The following AFG1L variants were observed in gnomAD, a reference collection of about 807,000 sequenced individuals.
The protein encoded by AFG1L is AFG1-like ATPase.
Under a neutral mutation model 62.2 loss-of-function variants are expected in AFG1L, and 53 were observed. That is an observed-to-expected ratio of 0.85 (90% CI 0.68 to 1.07). The LOEUF is 1.07. AFG1L is among the 50% of genes least tolerant of loss of function. The pLI is 0.00. For synonymous variants in AFG1L, 228 were observed against 210.3 expected (o/e 1.08, Z -0.73); for missense variants, 555 against 590.5 (o/e 0.94, Z 0.62).
chr6:108,444,057 CATCTATCTATCTATCT>C (rs60098143), intron 7 of AFG1L, among the ~76,000 whole-genome samples: 79 of 145,242 alleles, frequency 5.4e-4, no homozygotes, highest in African/African-American at 1.3e-3. Context: ...GAATATCTCC[CATCTATCTATCTATCT>C]ATCTATCTAT....
At chr6:108,477,344 C>A in intron 10 of AFG1L, 52 bp downstream of exon 10, 1 of 1,078,576 alleles carries the variant, frequency 9.3e-7, no homozygotes, top group Non-Finnish European at 1.3e-6. Flanking sequence ...TGTTAAAATA[C>A]TTCGTGTTTT....
intron 8 of AFG1L, among the ~76,000 whole-genome samples, chr6:108,465,860 T>A (rs540329091): frequency 4.2e-4 from 64 of 152,268 alleles, no homozygotes; most frequent in Admixed American, 1.2e-3. Flanking sequence ...TTAACTTTTT[T>A]AAAGAGTTAT....
chr6:108,399,283 G>A (rs1343138489), intron 6 of AFG1L, among the ~76,000 whole-genome samples: 1 of 138,546 alleles, frequency 7.2e-6, no homozygotes, highest in Admixed American at 8.4e-5. Flanking sequence ...CGCCTCCTGG[G>A]TTCAAGCGAT....
At chr6:108,375,711 T>C (rs768709338) in intron 6 of AFG1L, among the ~76,000 whole-genome samples, 9 of 152,082 alleles carry the variant, frequency 5.9e-5, no homozygotes, top group African/African-American at 9.7e-5. Flanking sequence ...TTTTGGTGTG[T>C]TGTTGAATTC....
intron 2 of AFG1L, among the ~76,000 whole-genome samples, chr6:108,325,164 T>C (rs1273869962): frequency 6.6e-6 from 1 of 152,200 alleles, no homozygotes; most frequent in African/African-American, 2.4e-5. Flanking sequence ...GCATACCCCT[T>C]TCTCCTGGGG....
At chr6:108,384,213 A>G (rs1490500534) in intron 6 of AFG1L, among the ~76,000 whole-genome samples, 2 of 152,166 alleles carry the variant, frequency 1.3e-5, no homozygotes, top group Admixed American at 1.3e-4. Flanking sequence ...CTCATAGAAA[A>G]TCCAGTCTTT....
intron 7 of AFG1L, among the ~76,000 whole-genome samples, chr6:108,435,733 C>G (rs1034148580): frequency 3.3e-5 from 5 of 152,132 alleles, no homozygotes; most frequent in Non-Finnish European, 7.4e-5. Flanking sequence ...TTTCAAAATC[C>G]TGCCGTTTTC....
chr6:108,410,321 C>T (rs981836987), intron 7 of AFG1L, among the ~76,000 whole-genome samples: 1 of 151,620 alleles, frequency 6.6e-6, no homozygotes, highest in African/African-American at 2.4e-5. Context: ...AAAAAAAGAT[C>T]ATAAATTTTT....
intron 8 of AFG1L, among the ~76,000 whole-genome samples, chr6:108,448,635 A>C (rs1413272575): frequency 6.6e-6 from 1 of 152,094 alleles, no homozygotes; most frequent in Admixed American, 6.6e-5. Flanking sequence ...GGAGGTGAAA[A>C]GGCTACTTTT....
At chr6:108,296,536 G>A (rs1399907110) in intron 1 of AFG1L, among the ~76,000 whole-genome samples, 2 of 151,948 alleles carry the variant, frequency 1.3e-5, no homozygotes, top group Admixed American at 6.6e-5. Context: ...GTATGTATAA[G>A]CATATACATA....
chr6:108,428,754 G>C (rs1018945912), intron 7 of AFG1L, among the ~76,000 whole-genome samples: 1 of 152,036 alleles, frequency 6.6e-6, no homozygotes, highest in African/African-American at 2.4e-5. Flanking sequence ...ATCTTCTTTT[G>C]AGAAGTGTCT....
chr6:108,311,019 T>C (rs916853128), intron 1 of AFG1L, among the ~76,000 whole-genome samples: 2 of 152,144 alleles, frequency 1.3e-5, no homozygotes, highest in Non-Finnish European at 2.9e-5. Context: ...CCAGTATCCT[T>C]CTTTTTGGCT....
chr6:108,297,197 C>T lies in AFG1L; in HGVS notation c.139+1979C>T, dbSNP rs1776795960. On this transcript the variant is annotated intron_variant, in intron 1 of 12. Coordinates refer to ENST00000368977, the MANE Select transcript of AFG1L (RefSeq NM_145315.5). ...TCTCGGCTCACTGCAACCTCCACCT[C>T]CTGGATTCAAGCAATTCTCCCTGCC... is the stretch of plus-strand genomic sequence containing the variant. 2.0e-5 allele frequency among the ~76,000 whole-genome samples: 3 copies of T among 152,118 alleles called. No individual in the cohort carries two copies. In the South Asian group the frequency reaches 6.2e-4, roughly 32 times the overall value.
chr6:108,522,225 T>A, intron 12 of AFG1L, 72 bp from the exon 13 acceptor site: 2 of 1,485,776 alleles, frequency 1.3e-6, no homozygotes, highest in South Asian at 2.4e-5. Flanking sequence ...AAAGTTTTTT[T>A]AAACCTATAC....
intron 6 of AFG1L, among the ~76,000 whole-genome samples, chr6:108,396,248 AT>A (rs1462477545): frequency 6.6e-6 from 1 of 152,098 alleles, no homozygotes; most frequent in African/African-American, 2.4e-5. Flanking sequence ...TAAGAAAAAT[AT>A]GAAGAGCTTA....
At chr6:108,399,178 GTTTTTTTTTT>G (rs57304886) in intron 6 of AFG1L, among the ~76,000 whole-genome samples, 21 of 62,230 alleles carry the variant, frequency 3.4e-4, no homozygotes, top group Non-Finnish European at 4.4e-4. Context: ...TCTTTTGTTT[GTTTTTTTTTT>G]TTTTTTTTTT....
At chr6:108,403,046 A>C (rs933327405) in intron 7 of AFG1L, among the ~76,000 whole-genome samples, 1 of 152,200 alleles carries the variant, frequency 6.6e-6, no homozygotes, top group African/African-American at 2.4e-5. Context: ...ACATTCTGCC[A>C]ATATTTATTA....
intron 8 of AFG1L, among the ~76,000 whole-genome samples, chr6:108,473,870 T>C (rs1203742583): frequency 6.6e-6 from 1 of 152,200 alleles, no homozygotes; most frequent in Non-Finnish European, 1.5e-5. Flanking sequence ...GCTCACTTTT[T>C]AAAAATATAT....
At chr6:108,303,903 G>C (rs1379610100) in intron 1 of AFG1L, among the ~76,000 whole-genome samples, 2 of 152,138 alleles carry the variant, frequency 1.3e-5, no homozygotes, top group African/African-American at 4.8e-5. Context: ...GAATATTAAG[G>C]AGTTACTCAG....
Sources: allele counts gnomAD v4.1 joint callset (sites outside exome capture counted in the v4.1 genomes callset), GRCh38; gene constraint gnomAD v4.1.1; transcripts MANE v1.5; gene names NCBI Gene and HGNC (gene_info 2026-07-23, HGNC 2026-07-21).